TMEM132D: variants seen among roughly 807,000 people sequenced by gnomAD.
TMEM132D encodes the protein mature OL transmembrane protein.
In TMEM132D, 21 loss-of-function variants were observed where a neutral mutation model predicts 62.3. That is an observed-to-expected ratio of 0.34 (90% confidence interval 0.24 to 0.49). The LOEUF is 0.49. TMEM132D is among the 20% of genes least tolerant of loss of function. TMEM132D has a pLI of 0.99. For missense variants in TMEM132D, 1,346 were observed against 1,402.8 expected, an observed-to-expected ratio of 0.96 and a Z score of 0.65; for synonymous variants, 621 against 575.6, an observed-to-expected ratio of 1.08 and a Z score of -1.13.
In TMEM132D at chr12:129,356,654, C is replaced by CAATAAATAAATA. The variant is rs200753521; in HGVS notation, c.1116-18849_1116-18838dup. Among the ~76,000 whole-genome samples the CAATAAATAAATA allele has an allele frequency of 1.1e-4, 13 of 116,102 alleles. No homozygotes were observed. The South Asian group carries it at 1.2e-3, about 10-fold the overall frequency. The allele number at this position is 116,102 out of a possible 152,430, so 76.2% of individuals were successfully genotyped here. On this transcript the variant is annotated intron_variant, in intron 3 of 8. Coordinates refer to ENST00000422113, the MANE Select transcript of TMEM132D (RefSeq NM_133448.3). ...ACAACATGGTGAAACCCTGTCTCTA[C>CAATAAATAAATA]AATAAATAAATAAATAAATAAATAA...
At chr12:129,868,892 C>T (rs1057418151) in intron 1 of TMEM132D, among the ~76,000 whole-genome samples, 7 of 152,068 alleles carry the variant, frequency 4.6e-5, no homozygotes, top group East Asian at 1.9e-4. Context: ...GGCAAGAAGA[C>T]GGACATCCAG....
At chr12:129,422,808 G>A (rs369733651) in intron 3 of TMEM132D, among the ~76,000 whole-genome samples, 2 of 151,192 alleles carry the variant, frequency 1.3e-5, no homozygotes, top group East Asian at 3.9e-4. Flanking sequence ...ATGATAAAAT[G>A]ATTCTGTTTA....
chr12:129,288,848 A>G (rs540987547), intron 4 of TMEM132D, among the ~76,000 whole-genome samples: 1 of 152,368 alleles, frequency 6.6e-6, no homozygotes, highest in Admixed American at 6.5e-5. Context: ...TCAGTGAATG[A>G]GTAGATGAAG....
rs1296101982 is a variant in TMEM132D at position 129,697,786 on chromosome 12, T to C, written c.968+2024A>G. On this transcript the variant is annotated intron_variant, in intron 2 of 8. Transcript: ENST00000422113. ...ACATAGTGAATTTCTCTTGGTTTTG[T>C]TACAGACTGCCAAAGATAAAAGCCA... Among the ~76,000 whole-genome samples, 3 of 152,216 alleles carry C rather than the reference T, an allele frequency of 2.0e-5. No individual in the cohort carries two copies. In the East Asian group the frequency reaches 5.8e-4, roughly 29 times the overall value.
At chr12:129,487,641 G>C (rs1236938531) in intron 3 of TMEM132D, among the ~76,000 whole-genome samples, 2 of 152,010 alleles carry the variant, frequency 1.3e-5, no homozygotes, top group African/African-American at 4.8e-5. Flanking sequence ...GGAAGTCATG[G>C]AGTCATGAGG....
intron 4 of TMEM132D, among the ~76,000 whole-genome samples, chr12:129,216,246 T>C (rs1262882397): frequency 6.6e-6 from 1 of 152,248 alleles, no homozygotes; most frequent in Non-Finnish European, 1.5e-5. Flanking sequence ...CAGCACCTGG[T>C]AACTAATAAA....
At chr12:129,802,947 A>G (rs1871846988) in intron 1 of TMEM132D, among the ~76,000 whole-genome samples, 1 of 151,070 alleles carries the variant, frequency 6.6e-6, no homozygotes. Flanking sequence ...AAAGAAGGCC[A>G]TTACATAATG....
chr12:129,636,065 G>C (rs1460596137), intron 2 of TMEM132D, among the ~76,000 whole-genome samples: 1 of 152,208 alleles, frequency 6.6e-6, no homozygotes, highest in Non-Finnish European at 1.5e-5. Flanking sequence ...GTTAAAATAA[G>C]TATTTGTGGA....
At chr12:129,895,257 G>A (rs1033330592) in intron 1 of TMEM132D, among the ~76,000 whole-genome samples, 16 of 152,282 alleles carry the variant, frequency 1.1e-4, no homozygotes, top group African/African-American at 1.9e-4. Flanking sequence ...AGTAAGCACC[G>A]AATACAGACC....
chr12:129,805,450 C>A (rs1366206308), intron 1 of TMEM132D, among the ~76,000 whole-genome samples: 1 of 152,058 alleles, frequency 6.6e-6, no homozygotes, highest in African/African-American at 2.4e-5. Context: ...GAAAGGATTC[C>A]CTATTTAATA....
chr12:129,541,548 C>A (rs1876583199), intron 2 of TMEM132D, among the ~76,000 whole-genome samples: 1 of 152,120 alleles, frequency 6.6e-6, no homozygotes, highest in East Asian at 1.9e-4. Flanking sequence ...GGTAGAGGGA[C>A]CTGCATTCAT....
chr12:129,315,414 G>A (rs552818777), intron 4 of TMEM132D, among the ~76,000 whole-genome samples: 1 of 152,204 alleles, frequency 6.6e-6, no homozygotes, highest in African/African-American at 2.4e-5. Context: ...TGTGATTTTT[G>A]TTTTTAATTC....
chr12:129,084,500 C>T lies in TMEM132D; in HGVS notation c.1646G>A (p.Arg549Lys), dbSNP rs867767964. The T allele has an allele frequency of 1.9e-6, 3 of 1,591,916 alleles. No homozygotes were observed. The highest frequency in any genetic ancestry group is 2.6e-6 in the Non-Finnish European group (3 of 1,168,932). Reference sequence around the variant, plus strand: ...GGAGTTTCAGGGACATACCCACCTCCTGCTGGAGACGATGGGCACTCTCCA... The same window carrying T: ...GGAGTTTCAGGGACATACCCACCTCTTGCTGGAGACGATGGGCACTCTCCA... ...KGWRVPIVSS[R>K]RPAGDSEEEE... Residue 549 changes from arginine (R) to lysine (K), a missense_variant, in exon 6 of 9, where the codon AGG (arginine) becomes AAG (lysine). By Grantham distance (26) the Arg-to-Lys change is conservative. Transcript: ENST00000422113.
intron 3 of TMEM132D, among the ~76,000 whole-genome samples, chr12:129,408,387 C>T (rs745678915): frequency 3.3e-5 from 5 of 150,542 alleles, no homozygotes; most frequent in Non-Finnish European, 1.5e-5. Context: ...GAATGAGTGT[C>T]ATATTGCATT....
At chr12:129,227,300 AATATATATATAT>A (rs141108255) in intron 4 of TMEM132D, among the ~76,000 whole-genome samples, 1 of 108,716 alleles carries the variant, frequency 9.2e-6, no homozygotes, top group African/African-American at 3.1e-5. Flanking sequence ...TGCGTTAGGA[AATATATATATAT>A]ATATATATAT....
At chr12:129,349,663 C>T (rs189502559) in intron 3 of TMEM132D, among the ~76,000 whole-genome samples, 1 of 152,272 alleles carries the variant, frequency 6.6e-6, no homozygotes, top group African/African-American at 2.4e-5. Flanking sequence ...GGGAACATAC[C>T]CTGGCAAAGA....
chr12:129,761,005 T>C (rs1384012887), intron 1 of TMEM132D, among the ~76,000 whole-genome samples: 1 of 151,902 alleles, frequency 6.6e-6, no homozygotes, highest in East Asian at 1.9e-4. Context: ...CTTTATAAGT[T>C]CTACACATAC....
intron 2 of TMEM132D, among the ~76,000 whole-genome samples, chr12:129,619,140 G>A (rs1026836542): frequency 6.6e-6 from 1 of 152,162 alleles, no homozygotes; most frequent in Admixed American, 6.5e-5. Flanking sequence ...GTTAATGCTG[G>A]AGGGGATAAT....
intron 2 of TMEM132D, among the ~76,000 whole-genome samples, chr12:129,658,169 G>C (rs1329505392): frequency 2.6e-5 from 4 of 152,152 alleles, no homozygotes; most frequent in African/African-American, 9.7e-5. Context: ...GAAGACAATA[G>C]GGAATAAACT....
Sources: allele counts gnomAD v4.1 joint callset (sites outside exome capture counted in the v4.1 genomes callset), GRCh38; gene constraint gnomAD v4.1.1; transcripts MANE v1.5; gene names NCBI Gene and HGNC (gene_info 2026-07-23, HGNC 2026-07-21).